The following WDR49 variants were observed in gnomAD, a reference collection of about 807,000 sequenced individuals.
The protein encoded by WDR49 is cilia- and flagella-associated protein 337.
WDR49 carries 107 observed loss-of-function variants against 119.5 expected under a neutral mutation model. The ratio of observed to expected loss-of-function variants is 0.90; its 90% CI spans 0.77 to 1.05. The LOEUF is 1.05. WDR49 is among the 50% of genes least tolerant of loss of function. The probability of loss-of-function intolerance (pLI) is 0.00; values close to 1 mark genes in which losing one functional copy is unlikely to be tolerated. For missense variants in WDR49, 1,240 were observed against 1,220.5 expected, an observed-to-expected ratio of 1.02 and a Z score of -0.24; for synonymous variants, 425 against 418.8, an observed-to-expected ratio of 1.01 and a Z score of -0.18.
At chr3:167,521,525 T>C (rs898010349) in intron 16 of WDR49, among the ~76,000 whole-genome samples, 4 of 152,176 alleles carry the variant, frequency 2.6e-5, no homozygotes, top group Admixed American at 2.6e-4. Context: ...ACAGAAGCAA[T>C]GAATTAAAGC....
At chr3:167,519,261 A>AT (rs1244268057) in intron 16 of WDR49, among the ~76,000 whole-genome samples, 5 of 152,204 alleles carry the variant, frequency 3.3e-5, no homozygotes, top group African/African-American at 1.2e-4. Context: ...TTAAACTACC[A>AT]TTTGACCCAG....
intron 15 of WDR49, among the ~76,000 whole-genome samples, chr3:167,527,235 A>C (rs376809866): frequency 6.6e-6 from 1 of 152,086 alleles, no homozygotes; most frequent in East Asian, 1.9e-4. Flanking sequence ...CTGTTTCCTT[A>C]TCTGTAAAAT....
intron 18 of WDR49, among the ~76,000 whole-genome samples, chr3:167,496,450 A>G (rs1283378985): frequency 6.6e-6 from 1 of 151,712 alleles, no homozygotes; most frequent in Non-Finnish European, 1.5e-5. Context: ...CTACCAGAGT[A>G]TCATCCCCCG....
At chr3:167,505,564 C>A (rs1560255762) in intron 16 of WDR49, 148 bp from the exon 17 acceptor site, 1 of 1,175,954 alleles carries the variant, frequency 8.5e-7, no homozygotes, top group Non-Finnish European at 1.1e-6. Context: ...TTTGTTTATA[C>A]TAATCAAGCC....
intron 5 of WDR49, among the ~76,000 whole-genome samples, chr3:167,615,464 A>G (rs1035569191): frequency 2.0e-5 from 3 of 149,408 alleles, no homozygotes; most frequent in Admixed American, 6.7e-5. Flanking sequence ...AAAAAAAAAG[A>G]AAGAAAGAAA....
intron 9 of WDR49, among the ~76,000 whole-genome samples, chr3:167,555,128 G>C (rs550539631): frequency 2.0e-4 from 30 of 152,222 alleles, no homozygotes; most frequent in South Asian, 6.2e-4. Flanking sequence ...TTAGAAGGTG[G>C]AAATTTCAGC....
At chr3:167,620,368 AG>A in intron 5 of WDR49, 60 bp downstream of exon 5, 1 of 1,411,720 alleles carries the variant, frequency 7.1e-7, no homozygotes, top group African/African-American at 1.5e-5. Context: ...TTTTCATCAA[AG>A]AATATAAATG....
chr3:167,557,523 A>C (rs571555632), intron 9 of WDR49, among the ~76,000 whole-genome samples: 117 of 152,324 alleles, frequency 7.7e-4, no homozygotes, highest in African/African-American at 2.6e-3. Context: ...AGACTCTGCC[A>C]AAACTCAACT....
chr3:167,605,026 G>C (rs865799615), intron 5 of WDR49, among the ~76,000 whole-genome samples: 2 of 151,512 alleles, frequency 1.3e-5, no homozygotes, highest in Middle Eastern at 6.8e-3. Context: ...GTGTGTGTGT[G>C]TGTGTGTGTG....
At chr3:167,573,985 G>C (rs1390854148) in intron 8 of WDR49, among the ~76,000 whole-genome samples, 1 of 152,154 alleles carries the variant, frequency 6.6e-6, no homozygotes, top group Non-Finnish European at 1.5e-5. Context: ...AGCTTTCAGG[G>C]CTCTGCTGAA....
intron 15 of WDR49, among the ~76,000 whole-genome samples, chr3:167,525,483 G>A (rs1752599952): frequency 6.6e-6 from 1 of 151,860 alleles, no homozygotes. Flanking sequence ...TTAAATGTGG[G>A]CAACTAAATC....
chr3:167,578,790 C>T lies in WDR49; in HGVS notation c.1276-2639G>A, dbSNP rs566915298. ...TTTGCATTAGCTGATTAAGCCTCTCCATCATGCTTTTCACTTGCCTTGATG... is the reference window on the plus strand; with the variant it reads ...TTTGCATTAGCTGATTAAGCCTCTCTATCATGCTTTTCACTTGCCTTGATG... On this transcript the variant is annotated intron_variant, in intron 7 of 18. Coordinates refer to ENST00000682715, the MANE Select transcript of WDR49 (RefSeq NM_001366157.1). 2.0e-5 allele frequency among the ~76,000 whole-genome samples: 3 copies of T among 152,232 alleles called. No homozygotes were observed. In the East Asian group the frequency reaches 5.8e-4, roughly 29 times the overall value.
At chr3:167,503,903 G>C (rs1046527328) in intron 17 of WDR49, among the ~76,000 whole-genome samples, 4 of 152,218 alleles carry the variant, frequency 2.6e-5, no homozygotes, top group Admixed American at 6.5e-5. Flanking sequence ...CTCCCGCTGT[G>C]CTCTCAGGCA....
At chr3:167,600,713 G>A (rs912948187) in intron 7 of WDR49, among the ~76,000 whole-genome samples, 6 of 152,158 alleles carry the variant, frequency 3.9e-5, no homozygotes, top group African/African-American at 1.2e-4. Context: ...AAACACCTAC[G>A]TCTGCATAAG....
intron 16 of WDR49, among the ~76,000 whole-genome samples, chr3:167,513,012 A>T (rs1201826645): frequency 6.6e-6 from 1 of 152,240 alleles, no homozygotes. Context: ...GAATGGAAAC[A>T]AGTTGGAAAA....
Position 167,554,754 on chromosome 3 carries a change from C to A in WDR49, c.1719G>T (p.Gly573=), listed in dbSNP as rs771444929. 2.5e-6 allele frequency: 4 copies of A among 1,613,130 alleles called. No individual in the cohort carries two copies. In the South Asian group the frequency reaches 4.4e-5, roughly 18 times the overall value. ...NGYCHHTLNV[G]QDGAVDISQI... ...GTGAAATATCCACAGCTCCATCTTG[C>A]CCAACATTTAGTGTATGGTGACAAT... The change falls in exon 10 of 19, where the codon GGG becomes GGT. Residue 573 remains glycine (G), a synonymous_variant. Coordinates refer to ENST00000682715, the MANE Select transcript of WDR49 (RefSeq NM_001366157.1).
At chr3:167,497,582 G>A (rs1751403695) in intron 18 of WDR49, among the ~76,000 whole-genome samples, 1 of 152,098 alleles carries the variant, frequency 6.6e-6, no homozygotes, top group Non-Finnish European at 1.5e-5. Flanking sequence ...TTATATAAAA[G>A]ATTCTTCATA....
At chr3:167,590,019 C>T (rs148728499) in intron 7 of WDR49, among the ~76,000 whole-genome samples, 6 of 152,094 alleles carry the variant, frequency 3.9e-5, no homozygotes, top group South Asian at 2.1e-4. Context: ...CATTTCAATA[C>T]GATATTAGCT....
intron 10 of WDR49, among the ~76,000 whole-genome samples, chr3:167,549,427 A>G (rs748244599): frequency 3.3e-5 from 5 of 152,108 alleles, no homozygotes; most frequent in Non-Finnish European, 5.9e-5. Flanking sequence ...TTTGATTTGC[A>G]TTTATCCGAT....
Sources: allele counts gnomAD v4.1 joint callset (sites outside exome capture counted in the v4.1 genomes callset), GRCh38; gene constraint gnomAD v4.1.1; transcripts MANE v1.5; gene names NCBI Gene and HGNC (gene_info 2026-07-23, HGNC 2026-07-21).